Variants in VWA5A observed in about 807,000 individuals in gnomAD.
VWA5A encodes von Willebrand factor A domain containing 5A.
A neutral mutation model predicts 84.6 loss-of-function variants in VWA5A; 77 were observed. The observed-to-expected ratio is 0.91, with a 90% confidence interval of 0.76 to 1.10. The LOEUF (loss-of-function observed/expected upper bound fraction) is 1.10, where lower values mean the gene tolerates loss of function less well. Ranked by LOEUF, VWA5A falls within the 50% of genes least tolerant of loss-of-function variation. The pLI is 0.00. For missense variants in VWA5A, 973 were observed against 963.0 expected (o/e 1.01, Z -0.14); for synonymous variants, 334 against 350.1 (o/e 0.95, Z 0.51).
In VWA5A at chr11:124,117,536, A is replaced by G. The variant is rs770725410; in HGVS notation, c.25A>G (p.Thr9Ala). 15 of 1,613,772 alleles carry G rather than the reference A, an allele frequency of 9.3e-6. No individual in the cohort carries two copies. The African/African-American group carries it at 1.7e-4, about 19-fold the overall frequency. The change falls in exon 3 of 19, where the codon ACC becomes GCC. Residue 9 changes from threonine to alanine, a missense_variant. By Grantham distance (58) the Thr-to-Ala change is moderately conservative. Transcript: ENST00000456829. ...CATGGTGCACTTCTGTGGCCTACTC[A>G]CCCTCCACCGGGAGCCAGGTAAGCC... MVHFCGLL[T>A]LHREPVPLKS...
chr11:124,122,882 T>C, intron 7 of VWA5A, 78 bp from the exon 8 acceptor site: 1 of 1,411,220 alleles, frequency 7.1e-7, no homozygotes, highest in Non-Finnish European at 9.6e-7. Flanking sequence ...CTTAATTGAA[T>C]TCACTACCAT....
In VWA5A at chr11:124,123,406, G is replaced by A. The variant is rs1230755076; in HGVS notation, c.971G>A (p.Cys324Tyr). 5.0e-6 allele frequency: 8 copies of A among 1,614,066 alleles called. No homozygotes were observed. The highest frequency in any genetic ancestry group is 6.8e-6 in the Non-Finnish European group (8 of 1,180,012). ...ILLLKSLPIGCYFNIYGFGSS... is the reference protein window; with the variant it reads ...ILLLKSLPIGYYFNIYGFGSS... ...CTGCTGAAGAGTTTACCTATAGGCT[G>A]TTATTTCAACATCTATGGATTTGGC... The change falls in exon 9 of 19, where the codon TGT (cysteine) becomes TAT (tyrosine). Residue 324 changes from cysteine (C) to tyrosine (Y), a missense_variant. Transcript: ENST00000456829.
At chr11:124,122,855 T>C (rs888063731) in intron 7 of VWA5A, 105 bp from the exon 8 acceptor site, 1 of 1,167,468 alleles carries the variant, frequency 8.6e-7, no homozygotes, top group Non-Finnish European at 1.2e-6. Flanking sequence ...GTGTTTTAGA[T>C]TTGAGTTTTC....
intron 11 of VWA5A, among the ~76,000 whole-genome samples, chr11:124,129,283 A>G (rs1865063335): frequency 6.6e-6 from 1 of 152,180 alleles, no homozygotes. Flanking sequence ...GGTTACATTT[A>G]TTGATTTGCA....
At chr11:124,142,208 C>G (rs890822512) in intron 16 of VWA5A, among the ~76,000 whole-genome samples, 3 of 152,216 alleles carry the variant, frequency 2.0e-5, no homozygotes, top group African/African-American at 7.2e-5. Context: ...TGCCTGCGGG[C>G]TGCCCTCGCC....
At chr11:124,128,909 A>T (rs988006291) in intron 11 of VWA5A, among the ~76,000 whole-genome samples, 4 of 152,226 alleles carry the variant, frequency 2.6e-5, no homozygotes, top group Non-Finnish European at 5.9e-5. Context: ...CTAAATAGAC[A>T]ATAATGTCAT....
Position 124,118,532 on chromosome 11 carries a change from G to A in VWA5A, c.470-1G>A, listed in dbSNP as rs1445542712. 1 of 1,613,920 alleles carries A rather than the reference G, an allele frequency of 6.2e-7. No homozygotes were observed. Among genetic ancestry groups the A allele is most frequent in the South Asian group, 1.1e-5 (1 of 91,076 alleles). The stretch of plus-strand genomic sequence containing the variant: ...AACAGAACTAAGGTCATCTTTTATA[G>A]GGTCGTCTAAGGACAGTTGCCTTAA... On this transcript the variant is annotated splice_acceptor_variant, in intron 5 of 18. Coordinates refer to ENST00000456829, the MANE Select transcript of VWA5A (RefSeq NM_001130142.2). LOFTEE classifies it high-confidence loss of function.
chr11:124,123,439 A>G lies in VWA5A; in HGVS notation c.1004A>G (p.Tyr335Cys), dbSNP rs781606857. 3.1e-6 allele frequency: 5 copies of G among 1,613,994 alleles called. No individual in the cohort carries two copies. The highest frequency in any genetic ancestry group is 1.7e-5 in the Admixed American group (1 of 60,006). Residue 335 changes from tyrosine to cysteine, a missense_variant, in exon 9 of 19, where the codon TAT (tyrosine) becomes TGT (cysteine). Coordinates refer to ENST00000456829, the MANE Select transcript of VWA5A (RefSeq NM_001130142.2). ...YFNIYGFGSS[Y>C]EACFPESVKY... The stretch of plus-strand genomic sequence containing the variant: ...AACATCTATGGATTTGGCTCTTCCT[A>G]TGAGGCATGCTTTCCGTAAGTTTCT...
intron 15 of VWA5A, among the ~76,000 whole-genome samples, chr11:124,141,035 T>C (rs1445280980): frequency 1.3e-5 from 2 of 152,356 alleles, no homozygotes; most frequent in East Asian, 3.9e-4. Context: ...ATAGGCTATC[T>C]ACATGGGTGA....
intron 17 of VWA5A, among the ~76,000 whole-genome samples, chr11:124,143,192 C>G (rs538509409): frequency 6.6e-6 from 1 of 152,268 alleles, no homozygotes; most frequent in East Asian, 1.9e-4. Context: ...AGTGTTGTTA[C>G]TAGGAACCAC....
At chr11:124,120,242 G>T (rs1185496855) in intron 7 of VWA5A, among the ~76,000 whole-genome samples, 4 of 152,104 alleles carry the variant, frequency 2.6e-5, no homozygotes. Context: ...TAATGTACAT[G>T]CACTCTTTCT....
intron 12 of VWA5A, 121 bp downstream of exon 12, chr11:124,135,155 T>A (rs569718682): frequency 6.9e-6 from 5 of 724,928 alleles, no homozygotes; most frequent in South Asian, 6.4e-5. Flanking sequence ...TGTTCCTATA[T>A]CCCCAAGGCC....
At chr11:124,124,412 G>A (rs1864985998) in intron 11 of VWA5A, 96 bp downstream of exon 11, 2 of 1,464,468 alleles carry the variant, frequency 1.4e-6, no homozygotes, top group Non-Finnish European at 1.8e-6. Flanking sequence ...CCTTCAAGAG[G>A]ACCAAATGAT....
At chr11:124,137,442 G>A (rs1860631718) in intron 15 of VWA5A, among the ~76,000 whole-genome samples, 174 bp downstream of exon 15, 1 of 152,182 alleles carries the variant, frequency 6.6e-6, no homozygotes, top group African/African-American at 2.4e-5. Flanking sequence ...GAACTAGAAT[G>A]CATCCCATTG....
chr11:124,135,223 G>A (rs915788297), intron 12 of VWA5A, among the ~76,000 whole-genome samples, 189 bp downstream of exon 12: 3 of 152,168 alleles, frequency 2.0e-5, no homozygotes, highest in African/African-American at 7.2e-5. Context: ...GCCCACTGTA[G>A]TATCTGGAAA....
chr11:124,120,252 T>C (rs1864910462), intron 7 of VWA5A, among the ~76,000 whole-genome samples: 2 of 152,248 alleles, frequency 1.3e-5, no homozygotes, highest in Non-Finnish European at 2.9e-5. Context: ...GCACTCTTTC[T>C]TGGAATTTAA....
intron 4 of VWA5A, 35 bp from the exon 5 acceptor site, chr11:124,118,154 C>T (rs1198335552): frequency 6.3e-7 from 1 of 1,597,666 alleles, no homozygotes; most frequent in African/African-American, 1.3e-5. Flanking sequence ...TTGGATGTTC[C>T]CTTTCTTTCC....
intron 10 of VWA5A, 93 bp downstream of exon 10, chr11:124,123,897 A>C (rs1864975385): frequency 1.4e-6 from 2 of 1,453,122 alleles, no homozygotes; most frequent in Admixed American, 2.8e-5. Flanking sequence ...GTTGAAATAT[A>C]GTTTGCAATT....
intron 18 of VWA5A, 70 bp downstream of exon 18, chr11:124,145,433 T>C: frequency 1.3e-6 from 2 of 1,499,760 alleles, no homozygotes; most frequent in Non-Finnish European, 1.8e-6. Context: ...CACAAGAGAG[T>C]CCCATTGTCA....
Sources: allele counts gnomAD v4.1 joint callset (sites outside exome capture counted in the v4.1 genomes callset), GRCh38; gene constraint gnomAD v4.1.1; transcripts MANE v1.5; gene names NCBI Gene and HGNC (gene_info 2026-07-23, HGNC 2026-07-21).